CTSO: variants seen among roughly 807,000 people sequenced by gnomAD.
CTSO encodes the protein cathepsin O.
Under a neutral mutation model 42.4 loss-of-function variants are expected in CTSO, and 40 were observed. That is an observed-to-expected ratio of 0.94 (90% confidence interval 0.73 to 1.23). CTSO has a LOEUF of 1.23. Ranked by LOEUF, CTSO falls within the 50% of genes most tolerant of loss-of-function variation. CTSO has a pLI of 0.00. For missense variants in CTSO, 441 were observed against 396.0 expected, an observed-to-expected ratio of 1.11 and a Z score of -0.96; for synonymous variants, 156 against 146.2, an observed-to-expected ratio of 1.07 and a Z score of -0.48.
chr4:155,928,244 C>A, intron 7 of CTSO, 92 bp downstream of exon 7: 1 of 832,402 alleles, frequency 1.2e-6, no homozygotes. Context: ...ATTATTACTG[C>A]TAAAGTGGTT....
Position 155,931,478 on chromosome 4 carries a change from T to C in CTSO, c.675-1773A>G, listed in dbSNP as rs543398956. Among the ~76,000 whole-genome samples the C allele has an allele frequency of 2.6e-5, 4 of 152,262 alleles. No homozygotes were observed. The East Asian group carries it at 7.7e-4, about 29-fold the overall frequency. ...GATTTGGGCCAGAGCTGAAAAAAGA[T>C]ATCAAAGATTAGAAGTAAGAAATAG... On this transcript the variant is annotated intron_variant, in intron 5 of 7. Transcript: ENST00000433477.
intron 1 of CTSO, among the ~76,000 whole-genome samples, chr4:155,944,484 T>G (rs572458730): frequency 6.6e-6 from 1 of 152,338 alleles, no homozygotes; most frequent in East Asian, 1.9e-4. Context: ...TGCTAAGGAA[T>G]TCAGAGGATT....
chr4:155,940,446 G>A (rs1195169044), intron 3 of CTSO, among the ~76,000 whole-genome samples: 3 of 151,744 alleles, frequency 2.0e-5, no homozygotes, highest in Non-Finnish European at 4.4e-5. Context: ...TAAGTTTTGA[G>A]CAACTTTATG....
intron 3 of CTSO, among the ~76,000 whole-genome samples, chr4:155,940,260 A>T (rs982496200): frequency 6.6e-6 from 1 of 152,138 alleles, no homozygotes; most frequent in African/African-American, 2.4e-5. Flanking sequence ...GAAAGAGAGG[A>T]GACAGAGGGA....
intron 1 of CTSO, among the ~76,000 whole-genome samples, chr4:155,946,858 A>T (rs1034965401): frequency 4.6e-5 from 7 of 152,034 alleles, no homozygotes; most frequent in Admixed American, 1.3e-4. Flanking sequence ...GCGTAATAAT[A>T]ATAATTATTA....
intron 5 of CTSO, among the ~76,000 whole-genome samples, chr4:155,933,270 A>G (rs1427806242): frequency 3.9e-5 from 6 of 152,152 alleles, no homozygotes; most frequent in African/African-American, 1.4e-4. Flanking sequence ...AGGGGTTTCC[A>G]CTTCTCCTTC....
intron 1 of CTSO, among the ~76,000 whole-genome samples, chr4:155,953,204 A>G (rs750664533): frequency 2.6e-4 from 39 of 152,194 alleles, no homozygotes; most frequent in Non-Finnish European, 5.0e-4. Flanking sequence ...ATCATAAACC[A>G]TCAGGATTCT....
At chr4:155,927,643 C>T (rs371784461) in intron 7 of CTSO, among the ~76,000 whole-genome samples, 9 of 151,920 alleles carry the variant, frequency 5.9e-5, no homozygotes, top group Non-Finnish European at 1.2e-4. Flanking sequence ...GGTGTGGTGG[C>T]GGGAGTCTGT....
Position 155,925,907 on chromosome 4 carries a change from C to G in CTSO, c.*129G>C. On this transcript the variant is annotated 3_prime_UTR_variant, in exon 8 of 8. Coordinates refer to ENST00000433477, the MANE Select transcript of CTSO (RefSeq NM_001334.3). ...AACATTCTGAAACTTAGTTTAAATA[C>G]TACTAGGCCTTAGAATCTTTTGTAG... 1 of 794,092 alleles carries G rather than the reference C, an allele frequency of 1.3e-6. No homozygotes were observed. Among genetic ancestry groups the G allele is most frequent in the Non-Finnish European group, 2.1e-6 (1 of 485,658 alleles). 49.2% of individuals were successfully genotyped at this position (794,092 alleles called of 1,614,324 possible). A position where few individuals can be genotyped will look rare whatever the true frequency, so the allele number is the denominator to read the frequency against.
At chr4:155,926,851 C>T (rs1490613459) in intron 7 of CTSO, among the ~76,000 whole-genome samples, 2 of 152,106 alleles carry the variant, frequency 1.3e-5, no homozygotes, top group East Asian at 1.9e-4. Context: ...CAATTATGAA[C>T]CAATATTTGA....
rs562628647 is a variant in CTSO at position 155,929,950 on chromosome 4, A to G, written c.675-245T>C. Among the ~76,000 whole-genome samples, 5 of 152,310 alleles carry G rather than the reference A, an allele frequency of 3.3e-5. No homozygotes were observed. In the South Asian group the frequency reaches 1.0e-3, roughly 32 times the overall value. On this transcript the variant is annotated intron_variant, in intron 5 of 7. Transcript: ENST00000433477. The stretch of plus-strand genomic sequence containing the variant: ...AGGTTTCCATTTTCAGGGTCCATTC[A>G]TGGTCCAAGATGGTTGCTGGGACTC...
chr4:155,926,584 G>A (rs754832968), intron 7 of CTSO, among the ~76,000 whole-genome samples: 10 of 152,084 alleles, frequency 6.6e-5, no homozygotes, highest in African/African-American at 1.4e-4. Flanking sequence ...ATAACTAACC[G>A]TATCTTCGAA....
intron 1 of CTSO, among the ~76,000 whole-genome samples, chr4:155,952,195 C>T (rs2110941981): frequency 6.6e-6 from 1 of 152,260 alleles, no homozygotes; most frequent in East Asian, 1.9e-4. Flanking sequence ...TAATTCGATC[C>T]TCCTCCACTT....
intron 4 of CTSO, among the ~76,000 whole-genome samples, chr4:155,939,163 T>A (rs559777931): frequency 7.2e-5 from 11 of 152,326 alleles, no homozygotes; most frequent in African/African-American, 2.4e-4. Context: ...GACTTCAGAT[T>A]TTTCCCCTTT....
chr4:155,927,744 C>T (rs1373766664), intron 7 of CTSO, among the ~76,000 whole-genome samples: 1 of 151,882 alleles, frequency 6.6e-6, no homozygotes, highest in Non-Finnish European at 1.5e-5. Flanking sequence ...CACTGCACTC[C>T]AGCCTGGGAG....
intron 1 of CTSO, among the ~76,000 whole-genome samples, chr4:155,950,724 G>A (rs1272755334): frequency 6.6e-6 from 1 of 151,850 alleles, no homozygotes; most frequent in Non-Finnish European, 1.5e-5. Flanking sequence ...ATTATCATAG[G>A]AGCACAAACC....
intron 1 of CTSO, among the ~76,000 whole-genome samples, chr4:155,945,553 A>T (rs1579347965): frequency 6.6e-6 from 1 of 152,344 alleles, no homozygotes; most frequent in Admixed American, 6.5e-5. Flanking sequence ...CTTCAGGCCC[A>T]GGTGGCTTTT....
rs1193350626 is a variant in CTSO at position 155,924,206 on chromosome 4, AT to A, written c.*1829del. 1 of 152,236 alleles carries A rather than the reference AT, an allele frequency of 6.6e-6. No homozygotes were observed. Among genetic ancestry groups the A allele is most frequent in the Non-Finnish European group, 1.5e-5 (1 of 68,044 alleles). The allele number at this position is 152,236 out of a possible 1,614,324, so 9.4% of individuals were successfully genotyped here. The stretch of plus-strand genomic sequence containing the variant: ...GCAGAAACATATTAATCAGTTTGAA[AT>A]TTTAGAAATCCTTTAGCACTTGAAA... On this transcript the variant is annotated 3_prime_UTR_variant, in exon 8 of 8. Coordinates refer to ENST00000433477, the MANE Select transcript of CTSO (RefSeq NM_001334.3).
chr4:155,939,752 A>AT (rs1743396097), intron 3 of CTSO, among the ~76,000 whole-genome samples: 1 of 152,230 alleles, frequency 6.6e-6, no homozygotes, highest in Non-Finnish European at 1.5e-5. Context: ...TGTTGTCAGC[A>AT]TTATTACTAT....
Sources: gnomAD v4.1 joint callset for allele counts (sites outside exome capture counted in the v4.1 genomes callset) on GRCh38, gnomAD v4.1.1 for gene constraint, MANE v1.5 for transcripts, NCBI Gene and HGNC (gene_info 2026-07-23, HGNC 2026-07-21) for gene names.